MDH1B: variants seen among roughly 807,000 people sequenced by gnomAD.
The protein encoded by MDH1B is malate dehydrogenase 1B, also known as putative malate dehydrogenase 1B.
Under a neutral mutation model 61.4 loss-of-function variants are expected in MDH1B, and 60 were observed. That is an observed-to-expected ratio of 0.98 (90% confidence interval 0.79 to 1.21). The LOEUF (loss-of-function observed/expected upper bound fraction) is 1.21. Among genes scored for constraint, MDH1B ranks in the 50% most tolerant of loss-of-function variants. MDH1B has a pLI of 0.00. For missense variants in MDH1B, 587 were observed against 632.1 expected, an observed-to-expected ratio of 0.93 and a Z score of 0.76; for synonymous variants, 236 against 218.7, an observed-to-expected ratio of 1.08 and a Z score of -0.70.
At chr2:206,756,784 CA>C (rs1312725872) in intron 4 of MDH1B, 113 bp downstream of exon 4, 1 of 1,168,208 alleles carries the variant, frequency 8.6e-7, no homozygotes, top group African/African-American at 1.5e-5. Flanking sequence ...TACATACACA[CA>C]AATTTCAAAC....
rs202190889 is a variant in MDH1B at position 206,738,495 on chromosome 2, G to T, written c.1545C>A (p.Thr515=). 2 of 1,582,970 alleles carry T rather than the reference G, an allele frequency of 1.3e-6. No individual in the cohort carries two copies. The highest frequency in any genetic ancestry group is 1.7e-6 in the Non-Finnish European group (2 of 1,159,270). ...LEFLNEFEGK[T]VES Reference sequence around the variant, plus strand: ...CCAATTTGATCTGTTAGGATTCCACGGTTTTGCCTTCAAATTCTGTAAAAG... The same window carrying T: ...CCAATTTGATCTGTTAGGATTCCACTGTTTTGCCTTCAAATTCTGTAAAAG... The change falls in exon 12 of 12, where the codon ACC becomes ACA. Residue 515 remains threonine (T), a synonymous_variant. Coordinates refer to ENST00000374412, the MANE Select transcript of MDH1B (RefSeq NM_001039845.3).
chr2:206,755,159 T>C lies in MDH1B; in HGVS notation c.760A>G (p.Ile254Val). 1 of 1,614,220 alleles carries C rather than the reference T, an allele frequency of 6.2e-7. No homozygotes were observed. The highest frequency in any genetic ancestry group is 8.5e-7 in the Non-Finnish European group (1 of 1,180,042). Residue 254 changes from isoleucine to valine, a missense_variant, in exon 5 of 12, where the codon ATC becomes GTC. Ile to Val is a conservative substitution (Grantham distance 29). Transcript: ENST00000374412. ...TTTACAAAGGTTCTCCCTCCCACGATGACTCTGACAGACTCATGAGCATTT... is the reference window on the plus strand; with the variant it reads ...TTTACAAAGGTTCTCCCTCCCACGACGACTCTGACAGACTCATGAGCATTT... ...EKNAHESVRVIVGGRTFVNLK... is the reference protein window; with the variant it reads ...EKNAHESVRVVVGGRTFVNLK...
chr2:206,751,105 A>C (rs1324580329), intron 5 of MDH1B, 30 bp from the exon 6 acceptor site: 14 of 1,453,722 alleles, frequency 9.6e-6, no homozygotes, highest in Non-Finnish European at 1.2e-5. Flanking sequence ...TAGAAAAATA[A>C]TAATAATGTA....
chr2:206,760,312 G>A (rs930294087), intron 2 of MDH1B, among the ~76,000 whole-genome samples: 4 of 152,168 alleles, frequency 2.6e-5, no homozygotes, highest in Non-Finnish European at 5.9e-5. Flanking sequence ...GCTGATATCC[G>A]ATGGCTGGTT....
At chr2:206,759,307 C>T (rs1463650425) in intron 2 of MDH1B, among the ~76,000 whole-genome samples, 1 of 152,204 alleles carries the variant, frequency 6.6e-6, no homozygotes, top group African/African-American at 2.4e-5. Flanking sequence ...CTGCAAAGGA[C>T]ATGATCTCAT....
intron 9 of MDH1B, among the ~76,000 whole-genome samples, chr2:206,743,785 T>A (rs2359720): frequency 0.29 from 43,651 of 151,894 alleles, 8,539 homozygotes; most frequent in East Asian, 0.57. Context: ...TCTTTTACCA[T>A]TTTCCCCTTA....
chr2:206,756,739 A>C, intron 4 of MDH1B, 159 bp downstream of exon 4: 1 of 665,478 alleles, frequency 1.5e-6, no homozygotes, highest in Non-Finnish European at 2.5e-6. Flanking sequence ...ACACACACAC[A>C]GAGATGCATA....
chr2:206,755,156 C>T lies in MDH1B; in HGVS notation c.763G>A (p.Val255Met), dbSNP rs370239021. The T allele has an allele frequency of 8.4e-5, 135 of 1,614,202 alleles. No individual in the cohort carries two copies. Among genetic ancestry groups the T allele is most frequent in the African/African-American group, 2.4e-4 (18 of 75,058 alleles). The change falls in exon 5 of 12, where the codon GTG (valine) becomes ATG (methionine). Residue 255 changes from valine (V) to methionine (M), a missense_variant. Coordinates refer to ENST00000374412, the MANE Select transcript of MDH1B (RefSeq NM_001039845.3). Reference sequence around the variant, plus strand: ...AGGTTTACAAAGGTTCTCCCTCCCACGATGACTCTGACAGACTCATGAGCA... The same window carrying T: ...AGGTTTACAAAGGTTCTCCCTCCCATGATGACTCTGACAGACTCATGAGCA... ...KNAHESVRVI[V>M]GGRTFVNLKT...
chr2:206,745,635 C>G lies in MDH1B; in HGVS notation c.1395G>C (p.Gln465His). 6.2e-7 allele frequency: 1 copy of G among 1,611,898 alleles called. No individual in the cohort carries two copies. Among genetic ancestry groups the G allele is most frequent in the Non-Finnish European group, 8.5e-7 (1 of 1,178,880 alleles). ...LVALGDKIHF[Q>H]PYQSGHKDLV... ...CTAAGAGCTTACCTGATTGGTATGG[C>G]TGAAAATGTATCTTGTCTCCAAGTG... Residue 465 changes from glutamine to histidine, a missense_variant, in exon 9 of 12, where the codon CAG becomes CAC. Gln to His is a conservative substitution (Grantham distance 24). Coordinates refer to ENST00000374412, the MANE Select transcript of MDH1B (RefSeq NM_001039845.3).
intron 5 of MDH1B, among the ~76,000 whole-genome samples, chr2:206,752,762 CT>C (rs1369431205): frequency 2.0e-5 from 3 of 149,380 alleles, no homozygotes; most frequent in Non-Finnish European, 4.4e-5. Flanking sequence ...CATCTGCTTT[CT>C]TCCCTCTTGG....
intron 1 of MDH1B, among the ~76,000 whole-genome samples, chr2:206,763,241 C>CT (rs58200375): frequency 3.6e-3 from 507 of 141,340 alleles, no homozygotes; most frequent in Middle Eastern, 7.2e-3. Context: ...TACTCATCCG[C>CT]TTTTTTTTTT....
rs765611980 is a variant in MDH1B at position 206,760,948 on chromosome 2, G to A, written c.88C>T (p.Pro30Ser). ...GTGATTTTATGTATCCGAAAATCAG[G>A]AAGATTCTTTTGTAAATAGTCTGCC... is the stretch of plus-strand genomic sequence containing the variant. ...LVADYLQKNL[P>S]DFRIHKITQR... The change falls in exon 2 of 12, where the codon CCT becomes TCT. Residue 30 changes from proline (P) to serine (S), a missense_variant. By Grantham distance (74) the Pro-to-Ser change is moderately conservative. Transcript: ENST00000374412. The A allele has an allele frequency of 6.2e-7, 1 of 1,613,068 alleles. No individual in the cohort carries two copies. Among genetic ancestry groups the A allele is most frequent in the South Asian group, 1.1e-5 (1 of 90,976 alleles).
intron 10 of MDH1B, among the ~76,000 whole-genome samples, chr2:206,740,408 G>A (rs749965040): frequency 2.0e-5 from 3 of 152,104 alleles, no homozygotes; most frequent in Non-Finnish European, 4.4e-5. Context: ...ATCATCATAA[G>A]GTTCTTTATC....
At position 206,757,434 on chromosome 2, in the gene MDH1B, T is replaced by C. The variant is rs574882820; in HGVS notation, c.136-63A>G. 4 of 1,534,210 alleles carry C rather than the reference T, an allele frequency of 2.6e-6. No homozygotes were observed. The Admixed American group carries it at 7.4e-5, about 28-fold the overall frequency. ...TCTGCCTGAGAATTCAATTTCATAC[T>C]TTAGAATTCAAACATTAAAATACTA... On this transcript the variant is annotated intron_variant, in intron 2 of 11. Coordinates refer to ENST00000374412, the MANE Select transcript of MDH1B (RefSeq NM_001039845.3).
chr2:206,758,967 T>G (rs1012710892), intron 2 of MDH1B, among the ~76,000 whole-genome samples: 14 of 151,844 alleles, frequency 9.2e-5, no homozygotes, highest in South Asian at 2.1e-4. Context: ...CTGTTTGTTT[T>G]TTTTTTTTTT....
rs764215884 is a variant in MDH1B, at chr2:206,745,674, C to T, written c.1357-1G>A. 4.4e-6 allele frequency: 7 copies of T among 1,605,666 alleles called. No homozygotes were observed. Among genetic ancestry groups the T allele is most frequent in the South Asian group, 1.1e-5 (1 of 90,084 alleles). On this transcript the variant is annotated splice_acceptor_variant, in intron 8 of 11. Coordinates refer to ENST00000374412, the MANE Select transcript of MDH1B (RefSeq NM_001039845.3). LOFTEE classifies it high-confidence loss of function. ...TGTCTCCAAGTGCAACAAGTTTCTCCTGTTGAAATTTTATAATCACAGAAT... is the reference window on the plus strand; with the variant it reads ...TGTCTCCAAGTGCAACAAGTTTCTCTTGTTGAAATTTTATAATCACAGAAT...
chr2:206,749,078 T>G lies in MDH1B; in HGVS notation c.1158A>C (p.Lys386Asn). Residue 386 changes from lysine to asparagine, a missense_variant, in exon 7 of 12, where the codon AAA (lysine) becomes AAC (asparagine). By Grantham distance (94) the Lys-to-Asn change is moderately conservative. Coordinates refer to ENST00000374412, the MANE Select transcript of MDH1B (RefSeq NM_001039845.3). ...CAGGTGGTGAGCCATGGTACCAGTA[T>G]TTCAGTGTAGTGGCTATACTGTGTG... ...LAAHSIATTL[K>N]YWYHGSPPGE... 6.2e-7 allele frequency: 1 copy of G among 1,614,108 alleles called. No individual in the cohort carries two copies. Among genetic ancestry groups the G allele is most frequent in the Non-Finnish European group, 8.5e-7 (1 of 1,179,964 alleles).
intron 6 of MDH1B, 25 bp downstream of exon 6, chr2:206,750,909 T>A: frequency 6.5e-7 from 1 of 1,546,060 alleles, no homozygotes; most frequent in Non-Finnish European, 8.7e-7. Flanking sequence ...ATTGTCAGTA[T>A]GCTTCACTTC....
At chr2:206,754,206 C>T (rs1191821249) in intron 5 of MDH1B, among the ~76,000 whole-genome samples, 2 of 152,172 alleles carry the variant, frequency 1.3e-5, no homozygotes, top group East Asian at 3.9e-4. Flanking sequence ...TAACTGGGAA[C>T]ATTCTAGGCT....
Sources: allele counts gnomAD v4.1 joint callset (sites outside exome capture counted in the v4.1 genomes callset), GRCh38; gene constraint gnomAD v4.1.1; transcripts MANE v1.5; gene names NCBI Gene and HGNC (gene_info 2026-07-23, HGNC 2026-07-21).